Variants in KLHL1 observed in about 807,000 individuals in gnomAD.
KLHL1 encodes the protein kelch-like protein 1.
Under a neutral mutation model 77.7 loss-of-function variants are expected in KLHL1, and 47 were observed. The ratio of observed to expected loss-of-function variants is 0.60; its 90% CI spans 0.48 to 0.77. The LOEUF (loss-of-function observed/expected upper bound fraction) is 0.77. Ranked by LOEUF, KLHL1 falls within the 30% of genes least tolerant of loss-of-function variation. The pLI is 0.00. For synonymous variants in KLHL1, 360 were observed against 325.2 expected (o/e 1.11, Z -1.15); for missense variants, 925 against 910.8 (o/e 1.02, Z -0.20).
chr13:70,000,008 G>T (rs1225735259), intron 1 of KLHL1, among the ~76,000 whole-genome samples: 1 of 151,912 alleles, frequency 6.6e-6, no homozygotes, highest in African/African-American at 2.4e-5. Context: ...CTCATGAACG[G>T]CTTGCTGCCA....
rs7338728 is a variant in KLHL1, at chr13:69,762,398, A to G, written c.1640-21842T>C. Among the ~76,000 whole-genome samples the G allele has an allele frequency of 3.2e-3, 487 of 152,230 alleles. 3 individuals carry two copies. The highest frequency in any genetic ancestry group is 0.011 in the African/African-American group (453 of 41,552). The stretch of plus-strand genomic sequence containing the variant: ...GACTCTGATATGACTAAGTGCTGCA[A>G]GGCTTTAAAGCATTATGCCAAAGTG... On this transcript the variant is annotated intron_variant, in intron 7 of 10. Transcript: ENST00000377844.
At chr13:69,702,777 A>G (rs1593756654) in intron 10 of KLHL1, among the ~76,000 whole-genome samples, 1 of 151,744 alleles carries the variant, frequency 6.6e-6, no homozygotes, top group African/African-American at 2.4e-5. Flanking sequence ...AATTTAATGT[A>G]ACATCACTTG....
At chr13:69,964,349 T>C (rs113736427) in intron 2 of KLHL1, among the ~76,000 whole-genome samples, 3 of 152,282 alleles carry the variant, frequency 2.0e-5, no homozygotes, top group African/African-American at 7.2e-5. Flanking sequence ...GACCATCTTG[T>C]TTGTTATAGA....
At chr13:69,820,353 C>A (rs529812814) in intron 6 of KLHL1, among the ~76,000 whole-genome samples, 55 of 152,260 alleles carry the variant, frequency 3.6e-4, no homozygotes, top group Admixed American at 7.9e-4. Flanking sequence ...ACTCTTCAGT[C>A]CACAAGTCAT....
chr13:69,982,182 C>T (rs748614532), intron 1 of KLHL1, among the ~76,000 whole-genome samples: 1 of 151,768 alleles, frequency 6.6e-6, no homozygotes, highest in Non-Finnish European at 1.5e-5. Flanking sequence ...GCCTGTAATC[C>T]TAGCACTTTG....
chr13:69,854,018 C>T (rs2911524), intron 5 of KLHL1, among the ~76,000 whole-genome samples: 127,864 of 151,874 alleles, frequency 0.84, 53,950 homozygotes, highest in Non-Finnish European at 0.86. Flanking sequence ...ACTTCCTATC[C>T]CAAGAAAAGA....
At chr13:70,022,784 C>A (rs1022437029) in intron 1 of KLHL1, among the ~76,000 whole-genome samples, 8 of 115,678 alleles carry the variant, frequency 6.9e-5, no homozygotes, top group African/African-American at 2.5e-4. Flanking sequence ...ATTCTCCAAG[C>A]ATAAGTTGAA....
intron 6 of KLHL1, among the ~76,000 whole-genome samples, chr13:69,813,584 A>C (rs1877993184): frequency 6.6e-6 from 1 of 152,118 alleles, no homozygotes; most frequent in Non-Finnish European, 1.5e-5. Context: ...TACAAGAATA[A>C]GTGGCATTTC....
chr13:69,993,199 T>G (rs74092313), intron 1 of KLHL1, among the ~76,000 whole-genome samples: 2 of 152,074 alleles, frequency 1.3e-5, no homozygotes, highest in South Asian at 4.1e-4. Context: ...GAATGAGATA[T>G]AGGGTTTATC....
intron 7 of KLHL1, among the ~76,000 whole-genome samples, chr13:69,767,739 A>T (rs1277946842): frequency 6.6e-6 from 1 of 152,052 alleles, no homozygotes; most frequent in East Asian, 1.9e-4. Flanking sequence ...ATTAATTCTG[A>T]CATCATATTC....
rs1396257074 is a variant in KLHL1, at chr13:69,839,251, ATAT to A, written c.1228-92_1228-90del. The A allele has an allele frequency of 6.8e-6, 6 of 882,240 alleles. No homozygotes were observed. In the African/African-American group the frequency reaches 8.6e-5, roughly 13 times the overall value. The allele number at this position is 882,240 out of a possible 1,614,324, so 54.7% of individuals were successfully genotyped here. On this transcript the variant is annotated intron_variant, in intron 5 of 10. Transcript: ENST00000377844. The stretch of plus-strand genomic sequence containing the variant: ...TAAAACTAGAAGTTTAATGTCTGTG[ATAT>A]TATCCTTATATTGAGCAGGATGCAG...
intron 8 of KLHL1, among the ~76,000 whole-genome samples, chr13:69,722,864 C>T (rs1360256156): frequency 6.6e-6 from 1 of 151,988 alleles, no homozygotes; most frequent in Non-Finnish European, 1.5e-5. Flanking sequence ...GAAACAGCTG[C>T]ACTTCCATGT....
At chr13:69,820,809 C>T (rs1878305332) in intron 6 of KLHL1, among the ~76,000 whole-genome samples, 1 of 152,214 alleles carries the variant, frequency 6.6e-6, no homozygotes, top group Admixed American at 6.5e-5. Context: ...AAACTGCCCA[C>T]TCCAGCTGCT....
chr13:69,990,729 A>G (rs1344789406), intron 1 of KLHL1, among the ~76,000 whole-genome samples: 1 of 151,958 alleles, frequency 6.6e-6, no homozygotes, highest in Non-Finnish European at 1.5e-5. Flanking sequence ...CACCCTGCTG[A>G]CAGTATTAGA....
chr13:69,780,805 A>G (rs938091895), intron 7 of KLHL1, among the ~76,000 whole-genome samples: 1 of 146,986 alleles, frequency 6.8e-6, no homozygotes, highest in Non-Finnish European at 1.5e-5. Context: ...TATTACTTCA[A>G]GTACTTCATA....
chr13:69,728,663 C>CAAAAAAAAAAAAA (rs1873409392), intron 8 of KLHL1, among the ~76,000 whole-genome samples: 1 of 137,694 alleles, frequency 7.3e-6, no homozygotes, highest in Non-Finnish European at 1.5e-5. Flanking sequence ...AAAAAAAAAG[C>CAAAAAAAAAAAAA]AAAGTGTGGT....
intron 3 of KLHL1, among the ~76,000 whole-genome samples, chr13:69,951,901 C>T (rs552875093): frequency 1.2e-4 from 18 of 151,362 alleles, no homozygotes; most frequent in African/African-American, 4.1e-4. Flanking sequence ...AGAGTGCTGC[C>T]GAGGGAGCAT....
chr13:69,966,642 A>G (rs1368057478), intron 2 of KLHL1, among the ~76,000 whole-genome samples: 1 of 152,086 alleles, frequency 6.6e-6, no homozygotes, highest in South Asian at 2.1e-4. Flanking sequence ...TTTTGCATAC[A>G]CGTGCAATTT....
intron 4 of KLHL1, among the ~76,000 whole-genome samples, chr13:69,889,714 C>T (rs1881355668): frequency 6.6e-6 from 1 of 151,970 alleles, no homozygotes; most frequent in Admixed American, 6.6e-5. Flanking sequence ...TACTTACTAG[C>T]TGTGGAACAT....
Sources: gnomAD v4.1 joint callset for allele counts (sites outside exome capture counted in the v4.1 genomes callset) on GRCh38, gnomAD v4.1.1 for gene constraint, MANE v1.5 for transcripts, NCBI Gene and HGNC (gene_info 2026-07-23, HGNC 2026-07-21) for gene names.